The following DPT variants were observed in gnomAD, a reference collection of about 807,000 sequenced individuals.
DPT encodes the protein tyrosine-rich acidic matrix protein.
Under a neutral mutation model 31.2 loss-of-function variants are expected in DPT, and 21 were observed. The observed-to-expected ratio is 0.67, with a 90% CI of 0.48 to 0.97. The LOEUF (loss-of-function observed/expected upper bound fraction) is 0.97, where lower values mean the gene tolerates loss of function less well. DPT is among the 50% of genes least tolerant of loss of function. DPT has a pLI of 0.00. For missense variants in DPT, 262 were observed against 258.8 expected (o/e 1.01, Z -0.08); for synonymous variants, 91 against 86.9 (o/e 1.05, Z -0.26).
At chr1:168,724,507 G>A (rs1360194016) in intron 1 of DPT, among the ~76,000 whole-genome samples, 1 of 152,152 alleles carries the variant, frequency 6.6e-6, no homozygotes, top group African/African-American at 2.4e-5. Context: ...AAGCCCCTGT[G>A]TTCATGAAGC....
intron 3 of DPT, among the ~76,000 whole-genome samples, chr1:168,699,465 G>A (rs1649538952): frequency 6.6e-6 from 1 of 151,992 alleles, no homozygotes. Flanking sequence ...CTAGTTTAAA[G>A]TGTATCTAAA....
In DPT at chr1:168,729,163, A is replaced by G. The variant is rs1650320031; in HGVS notation, c.12T>C (p.Ser4=). 2.5e-6 allele frequency: 4 copies of G among 1,613,300 alleles called. No homozygotes were observed. Among genetic ancestry groups the G allele is most frequent in the Non-Finnish European group, 3.4e-6 (4 of 1,179,438 alleles). ...CTAGGGGCAGAAGTACCCAGAGAAG[A>G]CTGAGGTCCATGCTGCCTGGGATTT... MDL[S]LLWVLLPLVT... Residue 4 remains serine (S), a synonymous_variant, in exon 1 of 4, where the codon AGT becomes AGC. Transcript: ENST00000367817.
At chr1:168,707,300 GTTA>G (rs1239441398) in intron 2 of DPT, among the ~76,000 whole-genome samples, 4 of 152,084 alleles carry the variant, frequency 2.6e-5, no homozygotes, top group African/African-American at 4.8e-5. Flanking sequence ...CCTATGAATT[GTTA>G]TTATTTCATA....
At chr1:168,717,190 A>G (rs187560710) in intron 1 of DPT, among the ~76,000 whole-genome samples, 2 of 152,300 alleles carry the variant, frequency 1.3e-5, no homozygotes, top group East Asian at 3.9e-4. Context: ...AAGAATTCCT[A>G]TTTCTTCACA....
chr1:168,718,037 G>A (rs528884872), intron 1 of DPT, among the ~76,000 whole-genome samples: 65 of 152,284 alleles, frequency 4.3e-4, no homozygotes, highest in Admixed American at 2.0e-3. Flanking sequence ...AAAAGAGAAG[G>A]TTGCCATAAG....
chr1:168,712,740 C>T (rs918767447), intron 2 of DPT, among the ~76,000 whole-genome samples: 8 of 152,156 alleles, frequency 5.3e-5, no homozygotes, highest in African/African-American at 1.9e-4. Context: ...TAGGGTTCAA[C>T]ACAACCTGAA....
intron 2 of DPT, among the ~76,000 whole-genome samples, chr1:168,702,204 T>C (rs970187216): frequency 3.2e-4 from 48 of 152,216 alleles, no homozygotes; most frequent in African/African-American, 1.0e-3. Flanking sequence ...TTTCATCTGA[T>C]TTGGGTTTAC....
At chr1:168,720,188 A>G (rs910971835) in intron 1 of DPT, among the ~76,000 whole-genome samples, 2 of 151,610 alleles carry the variant, frequency 1.3e-5, no homozygotes, top group South Asian at 2.1e-4. Flanking sequence ...TGCCTACAAA[A>G]CTCTCGGCCA....
At position 168,705,027 on chromosome 1, in the gene DPT, C is replaced by T. The variant is rs552378605; in HGVS notation, c.432-3903G>A. 5.3e-5 allele frequency among the ~76,000 whole-genome samples: 8 copies of T among 152,264 alleles called. No individual in the cohort carries two copies. The South Asian group carries it at 1.7e-3, about 32-fold the overall frequency. On this transcript the variant is annotated intron_variant, in intron 2 of 3. Coordinates refer to ENST00000367817, the MANE Select transcript of DPT (RefSeq NM_001937.5). Reference sequence around the variant, plus strand: ...GAGTCCAGGTATACGCTCTCACATCCATTTTAGAAAGGGAAATAGAGATAC... The same window carrying T: ...GAGTCCAGGTATACGCTCTCACATCTATTTTAGAAAGGGAAATAGAGATAC...
At chr1:168,699,308 A>G (rs1649534645) in intron 3 of DPT, among the ~76,000 whole-genome samples, 1 of 152,022 alleles carries the variant, frequency 6.6e-6, no homozygotes. Context: ...TGAGTTCTTG[A>G]GCCTTTCATT....
chr1:168,711,057 C>T (rs1649846138), intron 2 of DPT, among the ~76,000 whole-genome samples: 1 of 151,012 alleles, frequency 6.6e-6, no homozygotes, highest in Admixed American at 6.6e-5. Flanking sequence ...GTCGCCCAGG[C>T]TGGAGTGCAG....
At chr1:168,714,110 G>C in intron 2 of DPT, 111 bp downstream of exon 2, 5 of 1,426,946 alleles carry the variant, frequency 3.5e-6, no homozygotes. Context: ...ATATGCCAGC[G>C]CTGCCTTCCA....
intron 1 of DPT, among the ~76,000 whole-genome samples, chr1:168,716,845 G>T (rs1448729549): frequency 2.6e-5 from 4 of 152,110 alleles, no homozygotes. Flanking sequence ...GAGGATGATG[G>T]CTTCTAGCTT....
At position 168,729,123 on chromosome 1, in the gene DPT, C is replaced by T. The variant is rs1423150622; in HGVS notation, c.52G>A (p.Gly18Ser). The T allele has an allele frequency of 2.5e-6, 4 of 1,614,114 alleles. No homozygotes were observed. The South Asian group carries it at 3.3e-5, about 13-fold the overall frequency. ...VLLPLVTMAWGQYGDYGYPYQ... is the reference protein window; with the variant it reads ...VLLPLVTMAWSQYGDYGYPYQ... ...GGGTATCCATAATCGCCATACTGGC[C>T]CCAGGCCATGGTGACTAGGGGCAGA... The change falls in exon 1 of 4, where the codon GGC becomes AGC. Residue 18 changes from glycine to serine, a missense_variant. Gly to Ser is a moderately conservative substitution (Grantham distance 56). Transcript: ENST00000367817.
intron 3 of DPT, among the ~76,000 whole-genome samples, chr1:168,699,263 G>C (rs1649532710): frequency 6.6e-6 from 1 of 152,052 alleles, no homozygotes; most frequent in Non-Finnish European, 1.5e-5. Context: ...GCACTTTGGG[G>C]AGCATGGCCC....
At chr1:168,716,739 G>A (rs1417978293) in intron 1 of DPT, among the ~76,000 whole-genome samples, 2 of 152,052 alleles carry the variant, frequency 1.3e-5, no homozygotes, top group African/African-American at 4.8e-5. Context: ...AGTGTGTGTT[G>A]TTCCCCTCCC....
intron 1 of DPT, among the ~76,000 whole-genome samples, chr1:168,718,169 C>A (rs1343426992): frequency 2.0e-5 from 3 of 152,232 alleles, no homozygotes; most frequent in Non-Finnish European, 4.4e-5. Flanking sequence ...ATTGTTTTGG[C>A]TTGTCTTCTG....
At chr1:168,724,187 C>T (rs1005545954) in intron 1 of DPT, among the ~76,000 whole-genome samples, 1 of 152,204 alleles carries the variant, frequency 6.6e-6, no homozygotes. Context: ...GTCAGCCATC[C>T]TCTGTGCATG....
At position 168,696,304 on chromosome 1, in the gene DPT, T is replaced by C; in HGVS notation, c.*245A>G. 1.8e-6 allele frequency: 1 copy of C among 565,202 alleles called. No individual in the cohort carries two copies. The highest frequency in any genetic ancestry group is 2.5e-5 in the South Asian group (1 of 39,824). 35.0% of individuals were successfully genotyped at this position (565,202 alleles called of 1,614,324 possible). The stretch of plus-strand genomic sequence containing the variant: ...TATGTGGTGTGCAAGGAAGCCATCA[T>C]CAGTCATATAAAGCAGTTGCTATGA... On this transcript the variant is annotated 3_prime_UTR_variant, in exon 4 of 4. Coordinates refer to ENST00000367817, the MANE Select transcript of DPT (RefSeq NM_001937.5).
Sources: gnomAD v4.1 joint callset for allele counts (sites outside exome capture counted in the v4.1 genomes callset) on GRCh38, gnomAD v4.1.1 for gene constraint, MANE v1.5 for transcripts, NCBI Gene and HGNC (gene_info 2026-07-23, HGNC 2026-07-21) for gene names.